Variants in SFMBT2 observed in about 807,000 individuals in gnomAD.
The protein encoded by SFMBT2 is scm-like with four MBT domains protein 2.
SFMBT2 carries 38 observed loss-of-function variants against 110.1 expected under a neutral mutation model. The observed-to-expected ratio is 0.35, with a 90% CI of 0.27 to 0.45. The LOEUF is 0.45. SFMBT2 is among the 20% of genes least tolerant of loss of function. The pLI is 1.00. For missense variants in SFMBT2, 1,011 were observed against 1,094.9 expected (o/e 0.92, Z 1.08); for synonymous variants, 425 against 425.4 (o/e 1.00, Z 0.01).
intron 7 of SFMBT2, among the ~76,000 whole-genome samples, chr10:7,256,500 CT>C (rs2131756336): frequency 6.6e-6 from 1 of 152,324 alleles, no homozygotes; most frequent in Non-Finnish European, 1.5e-5. Flanking sequence ...CTAAAAATTA[CT>C]TCCAAAATGT....
chr10:7,189,313 C>A (rs72773849), intron 15 of SFMBT2: 48,809 of 364,156 alleles, frequency 0.13, 3,957 homozygotes, highest in African/African-American at 0.26. Context: ...CCAGCGCCAT[C>A]CAGTATCATA....
At chr10:7,377,060 T>C (rs186087552) in intron 2 of SFMBT2, among the ~76,000 whole-genome samples, 4,759 of 149,952 alleles carry the variant, frequency 0.032, 107 homozygotes, top group Non-Finnish European at 0.05. Context: ...TCCCAGCTAC[T>C]TGGGAGGCTG....
At chr10:7,274,052 G>A (rs1841688513) in intron 7 of SFMBT2, among the ~76,000 whole-genome samples, 1 of 152,146 alleles carries the variant, frequency 6.6e-6, no homozygotes, top group African/African-American at 2.4e-5. Context: ...GTGATAGACT[G>A]GATTAAGAAA....
rs1207940935 is a variant in SFMBT2 at position 7,171,316 on chromosome 10, C to T, written c.2416-260G>A. 1.1e-6 allele frequency: 1 copy of T among 936,872 alleles called. No homozygotes were observed. Among genetic ancestry groups the T allele is most frequent in the Non-Finnish European group, 1.3e-6 (1 of 785,866 alleles). The allele number at this position is 936,872 out of a possible 1,614,324, so 58.0% of individuals were successfully genotyped here. On this transcript the variant is annotated intron_variant, in intron 19 of 20. Transcript: ENST00000397167. This position sits in a 1 kb window ranked among gnomAD's most constrained non-coding sequence, Gnocchi z 4.9. Reference sequence around the variant, plus strand: ...GACAGTCGCTCTTGCATCCCTAGTTCAGGAAACCTTGGGCCTGCTTATGAA... The same window carrying T: ...GACAGTCGCTCTTGCATCCCTAGTTTAGGAAACCTTGGGCCTGCTTATGAA...
intron 3 of SFMBT2, among the ~76,000 whole-genome samples, chr10:7,368,665 T>C (rs1844980999): frequency 6.6e-6 from 1 of 152,200 alleles, no homozygotes. Context: ...AGTGACTCCA[T>C]ACAGAGAGAA....
chr10:7,277,398 C>G (rs891942001), intron 6 of SFMBT2: 6 of 243,928 alleles, frequency 2.5e-5, no homozygotes, highest in African/African-American at 1.4e-4. Flanking sequence ...ACAAACGACT[C>G]TAGTCTGGCA....
intron 8 of SFMBT2, among the ~76,000 whole-genome samples, chr10:7,244,513 C>T (rs148245448): frequency 2.0e-3 from 311 of 152,182 alleles, no homozygotes; most frequent in Middle Eastern, 3.4e-3. Flanking sequence ...TACATAGGAA[C>T]GGGATAAATG....
intron 9 of SFMBT2, among the ~76,000 whole-genome samples, chr10:7,229,553 C>T (rs1484235819): frequency 6.9e-6 from 1 of 144,890 alleles, no homozygotes; most frequent in Admixed American, 6.8e-5. Flanking sequence ...CGAGATCTCC[C>T]CACTGCACTC....
intron 11 of SFMBT2, chr10:7,215,476 A>T: frequency 4.9e-6 from 4 of 818,964 alleles, no homozygotes; most frequent in Non-Finnish European, 5.9e-6. Flanking sequence ...GGATCTCCAT[A>T]GATTAATTAA....
chr10:7,212,512 C>T (rs995198692), intron 11 of SFMBT2, among the ~76,000 whole-genome samples: 3 of 152,170 alleles, frequency 2.0e-5, no homozygotes, highest in African/African-American at 4.8e-5. Flanking sequence ...TCAGCTGGAG[C>T]ACAGGCTCCC....
chr10:7,242,570 TTTAACCCAA>T (rs1840467875), intron 9 of SFMBT2, among the ~76,000 whole-genome samples: 1 of 152,214 alleles, frequency 6.6e-6, no homozygotes, highest in African/African-American at 2.4e-5. Flanking sequence ...ACTGCACAAC[TTTAACCCAA>T]AGAGTTGAAA....
At chr10:7,386,498 T>C (rs1278375754) in intron 1 of SFMBT2, among the ~76,000 whole-genome samples, 2 of 151,806 alleles carry the variant, frequency 1.3e-5, no homozygotes, top group Non-Finnish European at 2.9e-5. Flanking sequence ...ATCCCAGCTA[T>C]TTAGGAGGCT....
At chr10:7,205,107 C>A (rs948793837) in intron 12 of SFMBT2, 7 of 258,566 alleles carry the variant, frequency 2.7e-5, no homozygotes, top group Admixed American at 2.0e-4. Flanking sequence ...CAGAGTCTCA[C>A]CCTGTCACCC....
intron 15 of SFMBT2, among the ~76,000 whole-genome samples, chr10:7,192,228 T>C (rs866749217): frequency 7.2e-5 from 11 of 152,198 alleles, no homozygotes; most frequent in African/African-American, 2.4e-4. Flanking sequence ...TCAAGAGGCC[T>C]GTCTGCATCT....
At chr10:7,176,707 C>T (rs1838067091) in intron 16 of SFMBT2, 1 of 155,620 alleles carries the variant, frequency 6.4e-6, no homozygotes, top group African/African-American at 2.4e-5. Flanking sequence ...GATAGGTAAG[C>T]AAGGTCACAT....
intron 2 of SFMBT2, among the ~76,000 whole-genome samples, chr10:7,377,118 G>A (rs756090057): frequency 2.2e-4 from 30 of 136,346 alleles, no homozygotes; most frequent in African/African-American, 3.0e-4. Context: ...GCAGTGAGCC[G>A]AGATCGCACC....
At chr10:7,379,736 G>C (rs1029851816) in intron 2 of SFMBT2, among the ~76,000 whole-genome samples, 2 of 152,194 alleles carry the variant, frequency 1.3e-5, no homozygotes, top group African/African-American at 4.8e-5. Flanking sequence ...CATCCTGTAT[G>C]ATTTAGGCCA....
chr10:7,398,509 G>A (rs1456656067), intron 1 of SFMBT2, among the ~76,000 whole-genome samples: 1 of 152,146 alleles, frequency 6.6e-6, no homozygotes, highest in African/African-American at 2.4e-5. Flanking sequence ...GGTACTTCTT[G>A]TACCAGATAT....
At position 7,252,420 on chromosome 10, in the gene SFMBT2, A is replaced by C. The variant is rs140318349; in HGVS notation, c.871-3771T>G. Among the ~76,000 whole-genome samples, 753 of 152,266 alleles carry C rather than the reference A, an allele frequency of 4.9e-3. 11 individuals carry two copies. The highest frequency in any genetic ancestry group is 0.016 in the African/African-American group (676 of 41,542). On this transcript the variant is annotated intron_variant, in intron 7 of 20. Coordinates refer to ENST00000397167, the MANE Select transcript of SFMBT2 (RefSeq NM_001387889.1). ...GGGTAATGACTTCAGCGTCCTCTGCATCTAATTACATCTCTAGGTTAAGAG... is the reference window on the plus strand; with the variant it reads ...GGGTAATGACTTCAGCGTCCTCTGCCTCTAATTACATCTCTAGGTTAAGAG...
Sources: gnomAD v4.1 joint callset for allele counts (sites outside exome capture counted in the v4.1 genomes callset) on GRCh38, gnomAD v4.1.1 for gene constraint, Gnocchi (gnomAD v3.1) non-coding constraint, MANE v1.5 for transcripts, NCBI Gene and HGNC (gene_info 2026-07-23, HGNC 2026-07-21) for gene names.